The following RGS3 variants were observed in gnomAD, a reference collection of about 807,000 sequenced individuals.
RGS3 encodes the protein regulator of G protein signaling 3, also known as regulator of G-protein signalling 3.
A neutral mutation model predicts 132.6 loss-of-function variants in RGS3; 80 were observed. The observed-to-expected ratio is 0.60, with a 90% CI of 0.50 to 0.73. RGS3 has a LOEUF of 0.73. Ranked by LOEUF, RGS3 falls within the 30% of genes least tolerant of loss-of-function variation. The probability of loss-of-function intolerance (pLI) is 0.00; values close to 1 mark genes in which losing one functional copy is unlikely to be tolerated. For synonymous variants in RGS3, 598 were observed against 620.6 expected, an observed-to-expected ratio of 0.96 and a Z score of 0.54; for missense variants, 1,382 against 1,530.8, an observed-to-expected ratio of 0.90 and a Z score of 1.62.
intron 19 of RGS3, among the ~76,000 whole-genome samples, chr9:113,559,536 C>T (rs1365280604): frequency 1.3e-5 from 2 of 152,168 alleles, no homozygotes; most frequent in Non-Finnish European, 2.9e-5. Flanking sequence ...GGTTGGGAGC[C>T]ACCGTTTCCA....
At chr9:113,485,495 G>A (rs940233548) in intron 6 of RGS3, 130 bp from the exon 5 acceptor site, 1 of 633,308 alleles carries the variant, frequency 1.6e-6, no homozygotes, top group Admixed American at 2.7e-5. Flanking sequence ...TACTTTATTT[G>A]TAATATAGTT....
chr9:113,596,824 G>A (rs1449984788), exon 25 of RGS3: 14 of 1,613,588 alleles, frequency 8.7e-6, no homozygotes, highest in East Asian at 2.2e-5. Flanking sequence ...AGAGCGTCAC[G>A]CGGGGCTGCT....
At position 113,490,688 on chromosome 9, in the gene RGS3, ATATAT is replaced by A. The variant is rs954374540; in HGVS notation, c.689+5007_689+5011del. 6.1e-3 allele frequency among the ~76,000 whole-genome samples: 882 copies of A among 143,692 alleles called. 2 individuals carry two copies. Among genetic ancestry groups the A allele is most frequent in the Non-Finnish European group, 0.011 (700 of 66,408 alleles). The allele number at this position is 143,692 out of a possible 152,430, so 94.3% of individuals were successfully genotyped here. ...TAAATTATATAATATATAAAATATA[ATATAT>A]TATATTATATTTTATATTGGTATAT... On this transcript the variant is annotated intron_variant, in intron 7 of 24. Transcript: ENST00000350696.
intron 19 of RGS3, among the ~76,000 whole-genome samples, chr9:113,538,771 G>T (rs1832784837): frequency 6.6e-6 from 1 of 152,184 alleles, no homozygotes; most frequent in African/African-American, 2.4e-5. Flanking sequence ...GTTCCATGGA[G>T]AAGCTGTGTG....
rs1005612641 is a variant in RGS3 at position 113,542,858 on chromosome 9, G to A, written c.2037+5940G>A. Among the ~76,000 whole-genome samples the A allele has an allele frequency of 3.9e-5, 6 of 152,238 alleles. 1 individual carries two copies. The highest frequency in any genetic ancestry group is 8.8e-5 in the Non-Finnish European group (6 of 68,038). ...GCTGCCACACAGTGCCCTGGAAACTGACTTCGCATGCTTTCCATGGGGCTT... is the reference window on the plus strand; with the variant it reads ...GCTGCCACACAGTGCCCTGGAAACTAACTTCGCATGCTTTCCATGGGGCTT... On this transcript the variant is annotated intron_variant, in intron 19 of 24. Coordinates refer to ENST00000350696, the Ensembl canonical transcript of RGS3.
At chr9:113,535,859 G>A (rs1832656844) in intron 18 of RGS3, among the ~76,000 whole-genome samples, 1 of 152,126 alleles carries the variant, frequency 6.6e-6, no homozygotes. Context: ...CCCGGTTGTG[G>A]GTGGCAACCC....
intron 3 of RGS3, among the ~76,000 whole-genome samples, chr9:113,473,564 T>G (rs964265345): frequency 1.8e-4 from 27 of 152,010 alleles, no homozygotes; most frequent in African/African-American, 6.3e-4. Flanking sequence ...AAAAAAACGT[T>G]TTTGGAGAGA....
At position 113,451,224 on chromosome 9, in the gene RGS3, A is replaced by G. The variant is rs12685417; in HGVS notation, c.-13+6297A>G. Among the ~76,000 whole-genome samples, 1,798 of 151,700 alleles carry G rather than the reference A, an allele frequency of 0.012. 70 individuals carry two copies. In the East Asian group the frequency reaches 0.12, roughly 10 times the overall value. The stretch of plus-strand genomic sequence containing the variant: ...AAAAGGTGGGGGCAGGCCTTCAGTG[A>G]TTGGAAAGAATCTGGAAGCAAAGGC... On this transcript the variant is annotated intron_variant, in intron 1 of 25. Coordinates refer to the RGS3 transcript ENST00000374140.
chr9:113,460,732 G>T (rs1314742716), intron 1 of RGS3, among the ~76,000 whole-genome samples: 1 of 151,868 alleles, frequency 6.6e-6, no homozygotes, highest in Admixed American at 6.6e-5. Context: ...AGTTCCCTTT[G>T]TTATTATTTT....
At chr9:113,561,324 C>T (rs1392017083) in intron 19 of RGS3, among the ~76,000 whole-genome samples, 2 of 151,828 alleles carry the variant, frequency 1.3e-5, no homozygotes, top group Non-Finnish European at 2.9e-5. Flanking sequence ...TGTGCCTGGC[C>T]TCTTCTCTTC....
intron 19 of RGS3, among the ~76,000 whole-genome samples, chr9:113,554,690 G>A (rs181155898): frequency 3.3e-5 from 5 of 152,286 alleles, no homozygotes; most frequent in African/African-American, 4.8e-5. Flanking sequence ...TTACTGAGGC[G>A]TTATCTCATT....
chr9:113,563,890 GAA>G (rs1249009018), intron 19 of RGS3, among the ~76,000 whole-genome samples: 3 of 152,300 alleles, frequency 2.0e-5, no homozygotes, highest in Admixed American at 2.0e-4. Context: ...CATAGGGAGA[GAA>G]AGAGACAGAG....
chr9:113,506,288 G>A lies in RGS3; in HGVS notation c.980-100G>A, dbSNP rs1057066342. 1.5e-6 allele frequency: 1 copy of A among 680,446 alleles called. No individual in the cohort carries two copies. The highest frequency in any genetic ancestry group is 1.8e-5 in the African/African-American group (1 of 54,570). The allele number at this position is 680,446 out of a possible 1,614,324, so 42.2% of individuals were successfully genotyped here. A position where few individuals can be genotyped will look rare whatever the true frequency, so the allele number is the denominator to read the frequency against. ...ATGAAGAAACTTAGAGAAAAAGGGA[G>A]GTCCTTGTCTGAGGTCACCATGGCA... On this transcript the variant is annotated intron_variant, in intron 11 of 24. Coordinates refer to ENST00000350696, the Ensembl canonical transcript of RGS3. The surrounding 1 kb of genome is among the most constrained non-coding windows in gnomAD (Gnocchi z 4.7).
At chr9:113,493,074 T>G (rs1830572363) in intron 7 of RGS3, among the ~76,000 whole-genome samples, 1 of 152,218 alleles carries the variant, frequency 6.6e-6, no homozygotes, top group Non-Finnish European at 1.5e-5. Context: ...GGATAGCAGC[T>G]GGAGTTCTCT....
At chr9:113,473,652 G>T (rs1360874360) in intron 3 of RGS3, among the ~76,000 whole-genome samples, 1 of 152,190 alleles carries the variant, frequency 6.6e-6, no homozygotes, top group Admixed American at 6.5e-5. Context: ...CTCCCAAAGT[G>T]TTGGGATTAC....
chr9:113,573,530 C>T (rs933996230), intron 19 of RGS3, among the ~76,000 whole-genome samples: 1 of 152,222 alleles, frequency 6.6e-6, no homozygotes. Flanking sequence ...CTTCCAAAGG[C>T]TGACCTCATG....
intron 3 of RGS3, among the ~76,000 whole-genome samples, chr9:113,466,080 C>T (rs1471933679): frequency 6.6e-6 from 1 of 152,182 alleles, no homozygotes; most frequent in African/African-American, 2.4e-5. Flanking sequence ...CTTCTGGAGA[C>T]TCTAGTTTAA....
chr9:113,494,914 C>T (rs1015938300), intron 7 of RGS3, among the ~76,000 whole-genome samples: 21 of 152,158 alleles, frequency 1.4e-4, no homozygotes, highest in African/African-American at 4.8e-4. Context: ...TTGGCTCTGT[C>T]ACCCAGGCTG....
chr9:113,497,429 C>A (rs1363945648), intron 9 of RGS3, 25 bp downstream of exon 7: 2 of 1,598,656 alleles, frequency 1.3e-6, no homozygotes, highest in African/African-American at 1.3e-5. Flanking sequence ...CCTTCAGCTT[C>A]CCTTCCCAGG....
Sources: gnomAD v4.1 joint callset for allele counts (sites outside exome capture counted in the v4.1 genomes callset) on GRCh38, gnomAD v4.1.1 for gene constraint, Gnocchi (gnomAD v3.1) non-coding constraint, MANE v1.5 for transcripts, NCBI Gene and HGNC (gene_info 2026-07-23, HGNC 2026-07-21) for gene names.